Variants in GSE1 observed in about 807,000 individuals in gnomAD.
The protein encoded by GSE1 is Gse1 coiled-coil protein, also known as genetic suppressor element 1.
A neutral mutation model predicts 112.6 loss-of-function variants in GSE1; 32 were observed. The observed-to-expected ratio is 0.28, with a 90% confidence interval of 0.21 to 0.38. GSE1 has a LOEUF of 0.38. Among genes scored for constraint, GSE1 ranks in the 10% least tolerant of loss-of-function variants. GSE1 has a pLI of 1.00. For synonymous variants in GSE1, 1,115 were observed against 735.6 expected (o/e 1.52, Z -8.35); for missense variants, 2,348 against 1,699.2 (o/e 1.38, Z -6.71).
chr16:85,622,358 C>T (rs533605654), intron 1 of GSE1, among the ~76,000 whole-genome samples: 1 of 152,054 alleles, frequency 6.6e-6, no homozygotes, highest in Admixed American at 6.5e-5. Context: ...GCCATTAGAA[C>T]GTGGATGGTT....
At chr16:85,500,998 G>GTTTTTTTTTTTGTT (rs2051342512) in intron 2 of GSE1, among the ~76,000 whole-genome samples, 1 of 64,826 alleles carries the variant, frequency 1.5e-5, no homozygotes, top group African/African-American at 6.6e-5. Context: ...GGCCTGTTCT[G>GTTTTTTTTTTTGTT]TTTTTTTTTT....
intron 1 of GSE1, among the ~76,000 whole-genome samples, chr16:85,333,800 C>T (rs966334874): frequency 6.6e-6 from 1 of 152,262 alleles, no homozygotes; most frequent in African/African-American, 2.4e-5. Flanking sequence ...TGGGCCACTT[C>T]CCTCAGGGGG....
intron 2 of GSE1, among the ~76,000 whole-genome samples, chr16:85,411,075 CA>C (rs144557585): frequency 2.2e-4 from 19 of 84,450 alleles, no homozygotes; most frequent in Non-Finnish European, 2.9e-4. Context: ...CCGTTGCACT[CA>C]GGGTCCCCCG....
intron 2 of GSE1, among the ~76,000 whole-genome samples, chr16:85,548,612 G>T (rs374939109): frequency 6.6e-6 from 1 of 152,164 alleles, no homozygotes; most frequent in African/African-American, 2.4e-5. Flanking sequence ...ATTCCATTGC[G>T]TGTAGGTACC....
At chr16:85,195,103 A>AG (rs2074902178) in intron 1 of GSE1, among the ~76,000 whole-genome samples, 1 of 152,104 alleles carries the variant, frequency 6.6e-6, no homozygotes, top group Non-Finnish European at 1.5e-5. Context: ...CCTACGTGTG[A>AG]GGGGAGAGGA....
chr16:85,652,906 G>A (rs114457559), intron 3 of GSE1, among the ~76,000 whole-genome samples: 1 of 151,944 alleles, frequency 6.6e-6, no homozygotes, highest in Admixed American at 6.5e-5. Flanking sequence ...CTCTTCAGGA[G>A]CACTGCCCGC....
chr16:85,450,181 G>A (rs1256797876), intron 2 of GSE1, among the ~76,000 whole-genome samples: 2 of 122,754 alleles, frequency 1.6e-5, no homozygotes, highest in Non-Finnish European at 3.2e-5. Context: ...GAGTGCAATA[G>A]TGTGATCTCG....
chr16:85,244,129 A>G (rs938993248), intron 1 of GSE1, among the ~76,000 whole-genome samples: 1 of 152,134 alleles, frequency 6.6e-6, no homozygotes, highest in Admixed American at 6.5e-5. Context: ...TCTGACTCCA[A>G]AAAAAAGTGG....
In GSE1 at chr16:85,418,848, A is replaced by G. The variant is rs546920260; in HGVS notation, c.2464+61205A>G. ...GATTTGGGAAACGTTTTGAGCATAG[A>G]GCTGTCAGGATTTGCTGGCGGAGCA... On this transcript the variant is annotated intron_variant, in intron 2 of 2. Transcript: ENST00000637419. Among the ~76,000 whole-genome samples, 8 of 152,202 alleles carry G rather than the reference A, an allele frequency of 5.3e-5. No individual in the cohort carries two copies. In the East Asian group the frequency reaches 1.5e-3, roughly 29 times the overall value.
chr16:85,215,606 C>G (rs2075295085), intron 1 of GSE1, among the ~76,000 whole-genome samples: 1 of 152,168 alleles, frequency 6.6e-6, no homozygotes, highest in South Asian at 2.1e-4. Flanking sequence ...TGGTGGCAGT[C>G]CCATAGATGC....
chr16:85,526,016 A>T (rs1430031865), intron 2 of GSE1, among the ~76,000 whole-genome samples: 2 of 152,182 alleles, frequency 1.3e-5, no homozygotes, highest in Non-Finnish European at 2.9e-5. Flanking sequence ...GCCTCCAGCA[A>T]GGGTCCTGGG....
intron 1 of GSE1, among the ~76,000 whole-genome samples, chr16:85,237,656 G>A (rs1904796556): frequency 6.6e-6 from 1 of 152,004 alleles, no homozygotes; most frequent in Non-Finnish European, 1.5e-5. Context: ...GGCTAACAAG[G>A]TGAAACCCCG....
chr16:85,611,583 G>C (rs1273234389), upstream of GSE1: 1 of 653,330 alleles, frequency 1.5e-6, no homozygotes, highest in Non-Finnish European at 1.9e-6. Context: ...TTCCCTTTTC[G>C]TTTGTGGTCT....
At chr16:85,400,267 G>GTGTGTGTAAT (rs2048069707) in intron 2 of GSE1, among the ~76,000 whole-genome samples, 3 of 151,508 alleles carry the variant, frequency 2.0e-5, no homozygotes, top group African/African-American at 7.2e-5. Flanking sequence ...GTGTGTGTGT[G>GTGTGTGTAAT]TGTGTGTGTG....
rs147213743 is a variant in GSE1, at chr16:85,579,357, A to G, written c.37+22994A>G. 7.8e-3 allele frequency among the ~76,000 whole-genome samples: 1,186 copies of G among 152,300 alleles called. 9 individuals are homozygous for G. The highest frequency in any genetic ancestry group is 0.03 in the South Asian group (144 of 4,812). On this transcript the variant is annotated intron_variant, in intron 1 of 2. Transcript: ENST00000635906. ...GCTGGGGCCAGCTTGGGTCGGTGGCAGACACAGCAGGTCTTTGTATCCTTG... is the reference window on the plus strand; with the variant it reads ...GCTGGGGCCAGCTTGGGTCGGTGGCGGACACAGCAGGTCTTTGTATCCTTG...
intron 1 of GSE1, among the ~76,000 whole-genome samples, chr16:85,582,726 G>A (rs980367786): frequency 3.9e-5 from 6 of 152,094 alleles, no homozygotes; most frequent in African/African-American, 1.4e-4. Context: ...GGTGGGGACG[G>A]GGCCATCCTG....
At chr16:85,270,228 A>G (rs1316935539) in intron 1 of GSE1, among the ~76,000 whole-genome samples, 1 of 148,628 alleles carries the variant, frequency 6.7e-6, no homozygotes, top group Admixed American at 6.7e-5. Context: ...GCCACAGCAC[A>G]ACTCTGCGGT....
Position 85,634,120 on chromosome 16 carries a change from G to C in GSE1, c.214G>C (p.Glu72Gln), listed in dbSNP as rs1299578488. Reference sequence around the variant, plus strand: ...GCTGCGCAAGCTCGCCAAACAGGCGGAGGAGCCCAGAGGTAAGGGGGCCCG... The same window carrying C: ...GCTGCGCAAGCTCGCCAAACAGGCGCAGGAGCCCAGAGGTAAGGGGGCCCG... Reference protein sequence around the residue: ...AALRKLAKQAEEPRGSSLSSE... With the variant: ...AALRKLAKQAQEPRGSSLSSE... Residue 72 changes from glutamate to glutamine, a missense_variant, in exon 2 of 16, where the codon GAG becomes CAG. Physicochemically the swap from Glu to Gln is conservative, Grantham distance 29. Transcript: ENST00000253458. The C allele has an allele frequency of 5.3e-6, 8 of 1,517,840 alleles. No individual in the cohort carries two copies. Among genetic ancestry groups the C allele is most frequent in the Non-Finnish European group, 7.0e-6 (8 of 1,139,204 alleles). 94.0% of individuals were successfully genotyped at this position (1,517,840 alleles called of 1,614,324 possible).
At chr16:85,651,880 G>A (rs1293446082) in intron 3 of GSE1, among the ~76,000 whole-genome samples, 1 of 152,228 alleles carries the variant, frequency 6.6e-6, no homozygotes, top group Non-Finnish European at 1.5e-5. Flanking sequence ...GGTGCTACTT[G>A]GATGCTGGGG....
Sources: allele counts gnomAD v4.1 joint callset (sites outside exome capture counted in the v4.1 genomes callset), GRCh38; gene constraint gnomAD v4.1.1; transcripts MANE v1.5; gene names NCBI Gene and HGNC (gene_info 2026-07-23, HGNC 2026-07-21).